The following PLCB1 variants were observed in gnomAD, a reference collection of about 807,000 sequenced individuals.
PLCB1 encodes the protein phospholipase C beta 1.
A neutral mutation model predicts 161.8 loss-of-function variants in PLCB1; 46 were observed. The ratio of observed to expected loss-of-function variants is 0.28; its 90% CI spans 0.22 to 0.36. PLCB1 has a LOEUF of 0.36. PLCB1 is among the 10% of genes least tolerant of loss of function. The pLI is 1.00. For synonymous variants in PLCB1, 517 were observed against 503.7 expected (o/e 1.03, Z -0.35); for missense variants, 1,016 against 1,472.5 (o/e 0.69, Z 5.07).
chr20:8,248,438 C>A (rs1980988340), intron 2 of PLCB1, among the ~76,000 whole-genome samples: 2 of 151,956 alleles, frequency 1.3e-5, no homozygotes, highest in South Asian at 2.1e-4. Flanking sequence ...CATTCTCAGC[C>A]TTCTGAAGAA....
At chr20:8,246,913 T>C (rs1980906185) in intron 2 of PLCB1, among the ~76,000 whole-genome samples, 1 of 151,896 alleles carries the variant, frequency 6.6e-6, no homozygotes, top group Admixed American at 6.6e-5. Context: ...GAAGTCCTTA[T>C]GTCTGCAATG....
chr20:8,877,259 G>A (rs1215474265), intron 31 of PLCB1, among the ~76,000 whole-genome samples: 2 of 152,194 alleles, frequency 1.3e-5, no homozygotes, highest in East Asian at 1.9e-4. Context: ...TATGGGGAAG[G>A]AAAATTAGGA....
intron 9 of PLCB1, 48 bp downstream of exon 9, chr20:8,658,752 G>C (rs1989538116): frequency 6.7e-7 from 1 of 1,495,730 alleles, no homozygotes. Flanking sequence ...TTCTGATTGG[G>C]GGTAGTCACA....
At chr20:8,762,156 G>A (rs545307605) in intron 25 of PLCB1, among the ~76,000 whole-genome samples, 3 of 152,224 alleles carry the variant, frequency 2.0e-5, no homozygotes, top group African/African-American at 4.8e-5. Flanking sequence ...GTTGCCGTGA[G>A]CCAAGGTTGC....
At chr20:8,488,695 T>A (rs1450715829) in intron 3 of PLCB1, among the ~76,000 whole-genome samples, 1 of 152,216 alleles carries the variant, frequency 6.6e-6, no homozygotes, top group Admixed American at 6.5e-5. Flanking sequence ...AAAACTTAAT[T>A]GCTCTGTAAT....
intron 4 of PLCB1, 43 bp from the exon 5 acceptor site, chr20:8,646,059 G>A (rs1989161060): frequency 1.6e-6 from 2 of 1,229,750 alleles, no homozygotes; most frequent in Non-Finnish European, 2.4e-6. Context: ...TCTAATGACT[G>A]TGCAGTATTT....
intron 3 of PLCB1, among the ~76,000 whole-genome samples, chr20:8,569,855 A>G (rs532171492): frequency 6.6e-6 from 1 of 152,332 alleles, no homozygotes; most frequent in Admixed American, 6.5e-5. Context: ...ATTAAAATTT[A>G]CTACCAGTGT....
At chr20:8,148,794 A>C (rs748241729) in intron 1 of PLCB1, among the ~76,000 whole-genome samples, 2 of 152,242 alleles carry the variant, frequency 1.3e-5, no homozygotes, top group Non-Finnish European at 2.9e-5. Context: ...AGCCAAACAC[A>C]AAAGGACAAA....
intron 3 of PLCB1, among the ~76,000 whole-genome samples, chr20:8,491,453 T>C (rs1982942084): frequency 6.6e-6 from 1 of 152,126 alleles, no homozygotes; most frequent in South Asian, 2.1e-4. Flanking sequence ...TAATGACTTT[T>C]ACATTAGACC....
intron 3 of PLCB1, among the ~76,000 whole-genome samples, chr20:8,486,479 ATATT>A (rs1180844422): frequency 1.0e-5 from 1 of 97,566 alleles, no homozygotes; most frequent in Non-Finnish European, 2.0e-5. Context: ...TTATTCCAAA[ATATT>A]TTTTTTTTTT....
chr20:8,258,228 G>A (rs1178054555), intron 2 of PLCB1, among the ~76,000 whole-genome samples: 1 of 152,000 alleles, frequency 6.6e-6, no homozygotes, highest in Non-Finnish European at 1.5e-5. Flanking sequence ...TTTATTTGGT[G>A]GTTTCTAATT....
intron 2 of PLCB1, among the ~76,000 whole-genome samples, chr20:8,216,732 T>C (rs1212835813): frequency 6.6e-6 from 1 of 152,124 alleles, no homozygotes; most frequent in Non-Finnish European, 1.5e-5. Flanking sequence ...ACAAAAATGA[T>C]ATAGCATAAG....
rs1422546161 is a variant in PLCB1, at chr20:8,308,827, AAATAAT to A, written c.178-62548_178-62543del. Among the ~76,000 whole-genome samples, 2 of 152,010 alleles carry A rather than the reference AAATAAT, an allele frequency of 1.3e-5. 1 individual carries two copies. Among genetic ancestry groups the A allele is most frequent in the Admixed American group, 1.3e-4 (2 of 15,266 alleles). Reference sequence around the variant, plus strand: ...CTTAAATAAGTGTAATAATAATAAAAAATAATAATAATGTCTGCCATTCATAGCATT... The same window carrying A: ...CTTAAATAAGTGTAATAATAATAAAAAATAATGTCTGCCATTCATAGCATT... On this transcript the variant is annotated intron_variant, in intron 2 of 31. Coordinates refer to ENST00000338037, the MANE Select transcript of PLCB1 (RefSeq NM_015192.4).
rs548274954 is a variant in PLCB1 at position 8,160,242 on chromosome 20, C to A, written c.177+9871C>A. On this transcript the variant is annotated intron_variant, in intron 2 of 31. Transcript: ENST00000338037. Reference sequence around the variant, plus strand: ...TTTGTCAAAGCCATTCAACAAGTCTCTAGGAAGTTCCAAACTTTTCCACAT... The same window carrying A: ...TTTGTCAAAGCCATTCAACAAGTCTATAGGAAGTTCCAAACTTTTCCACAT... Among the ~76,000 whole-genome samples the A allele has an allele frequency of 8.5e-5, 13 of 152,290 alleles. No individual in the cohort carries two copies. The East Asian group carries it at 2.5e-3, about 29-fold the overall frequency.
intron 3 of PLCB1, among the ~76,000 whole-genome samples, chr20:8,468,633 G>A (rs1981919370): frequency 6.6e-6 from 1 of 152,186 alleles, no homozygotes; most frequent in South Asian, 2.1e-4. Flanking sequence ...AAAACATCCT[G>A]CTGTTTAGAC....
chr20:8,876,885 G>A (rs1331340224), intron 31 of PLCB1, among the ~76,000 whole-genome samples: 1 of 152,176 alleles, frequency 6.6e-6, no homozygotes, highest in Non-Finnish European at 1.5e-5. Flanking sequence ...AAGGCCTTGT[G>A]ACGTCTGGAC....
intron 2 of PLCB1, among the ~76,000 whole-genome samples, chr20:8,271,207 G>A (rs1466472267): frequency 6.6e-6 from 1 of 152,150 alleles, no homozygotes; most frequent in African/African-American, 2.4e-5. Context: ...TAAAAGAGAT[G>A]AGGACGATTA....
chr20:8,260,608 T>C (rs897395000), intron 2 of PLCB1, among the ~76,000 whole-genome samples: 18 of 152,130 alleles, frequency 1.2e-4, no homozygotes, highest in African/African-American at 3.9e-4. Flanking sequence ...AAGGTGCTGT[T>C]ATAAGAGGGA....
At chr20:8,240,976 A>G (rs1980580366) in intron 2 of PLCB1, among the ~76,000 whole-genome samples, 1 of 152,000 alleles carries the variant, frequency 6.6e-6, no homozygotes, top group Non-Finnish European at 1.5e-5. Flanking sequence ...TTGCCAAATT[A>G]TGGGTTTTGG....
Sources: allele counts gnomAD v4.1 joint callset (sites outside exome capture counted in the v4.1 genomes callset), GRCh38; gene constraint gnomAD v4.1.1; transcripts MANE v1.5; gene names NCBI Gene and HGNC (gene_info 2026-07-23, HGNC 2026-07-21).